The following SAXO2 variants were observed in gnomAD, a reference collection of about 807,000 sequenced individuals.
The protein encoded by SAXO2 is stabilizer of axonemal microtubules 2.
SAXO2 carries 17 observed loss-of-function variants against 18.7 expected under a neutral mutation model. The ratio of observed to expected loss-of-function variants is 0.91; its 90% CI spans 0.62 to 1.36. The LOEUF is 1.36. Ranked by LOEUF, SAXO2 falls within the 40% of genes most tolerant of loss-of-function variation. The pLI, the probability that SAXO2 is intolerant of heterozygous loss-of-function variation, is 0.00. For synonymous variants in SAXO2, 163 were observed against 181.2 expected, an observed-to-expected ratio of 0.90 and a Z score of 0.81; for missense variants, 486 against 562.6, an observed-to-expected ratio of 0.86 and a Z score of 1.38.
At chr15:82,266,150 A>C (rs2075216015) in intron 2 of SAXO2, among the ~76,000 whole-genome samples, 1 of 151,868 alleles carries the variant, frequency 6.6e-6, no homozygotes, top group African/African-American at 2.4e-5. Context: ...AACAACAAAA[A>C]AAAAATCACA....
At chr15:82,264,761 G>T in intron 1 of SAXO2, 1 of 699,384 alleles carries the variant, frequency 1.4e-6, no homozygotes, top group Non-Finnish European at 2.6e-6. Flanking sequence ...TCTCTTCCAA[G>T]GTCAAGAAGC....
intron 2 of SAXO2, among the ~76,000 whole-genome samples, chr15:82,270,741 G>A (rs2075263818): frequency 6.6e-6 from 1 of 152,192 alleles, no homozygotes; most frequent in Admixed American, 6.5e-5. Flanking sequence ...GTACGAAGCA[G>A]TCTTCAAAGC....
chr15:82,262,896 T>A lies in SAXO2; in HGVS notation c.17T>A (p.Met6Lys). The A allele has an allele frequency of 1.9e-6, 3 of 1,602,758 alleles. No individual in the cohort carries two copies. Among genetic ancestry groups the A allele is most frequent in the Non-Finnish European group, 1.7e-6 (2 of 1,174,708 alleles). Reference protein sequence around the residue: MGAKSMRSWCLCQICS... With the variant: MGAKSKRSWCLCQICS... The stretch of plus-strand genomic sequence containing the variant: ...GAGGAAAGCATGGGAGCCAAGAGTA[T>A]GAGGAGCTGGTGTCTGTGTCAGATT... The change falls in exon 1 of 4, where the codon ATG becomes AAG. Residue 6 changes from methionine to lysine, a missense_variant. Met to Lys is a moderately conservative substitution (Grantham distance 95, BLOSUM62 -1). Transcript: ENST00000682753.
intron 1 of SAXO2, chr15:82,263,572 T>C: frequency 4.9e-6 from 3 of 607,472 alleles, no homozygotes; most frequent in South Asian, 3.9e-5. Context: ...ATTTGCTAAG[T>C]AAATATGAAC....
intron 1 of SAXO2, 142 bp from the exon 2 acceptor site, chr15:82,265,426 GC>G: frequency 2.3e-6 from 1 of 430,328 alleles, no homozygotes; most frequent in Non-Finnish European, 3.6e-6. Context: ...ACAGGCGTGA[GC>G]CACTGTGCCC....
chr15:82,262,987 T>C, intron 1 of SAXO2, 55 bp downstream of exon 1: 1 of 1,567,200 alleles, frequency 6.4e-7, no homozygotes, highest in Non-Finnish European at 8.6e-7. Context: ...ACCTAGGGCC[T>C]AGGTGCACGG....
At chr15:82,263,260 G>A in intron 1 of SAXO2, 3 of 1,457,368 alleles carry the variant, frequency 2.1e-6, no homozygotes, top group Non-Finnish European at 2.8e-6. Context: ...GACTGGGAGA[G>A]TGCATTTCCA....
intron 3 of SAXO2, 74 bp downstream of exon 3, chr15:82,271,876 T>G: frequency 1.5e-6 from 2 of 1,319,202 alleles, no homozygotes; most frequent in South Asian, 2.7e-5. Flanking sequence ...TAATATCAAA[T>G]TATAACTTTG....
chr15:82,263,545 C>T, intron 1 of SAXO2: 2 of 651,134 alleles, frequency 3.1e-6, no homozygotes, highest in Non-Finnish European at 5.6e-6. Flanking sequence ...CACTATTGAC[C>T]CAGGGATTAG....
chr15:82,268,890 G>T (rs2075244516), intron 2 of SAXO2, among the ~76,000 whole-genome samples: 1 of 152,158 alleles, frequency 6.6e-6, no homozygotes, highest in South Asian at 2.1e-4. Context: ...CACTTAAATA[G>T]TCTAACCAGA....
In SAXO2 at chr15:82,262,931, G is replaced by A. The variant is rs1236011278; in HGVS notation, c.52G>A (p.Gly18Arg). 6.2e-7 allele frequency: 1 copy of A among 1,604,508 alleles called. No individual in the cohort carries two copies. Among genetic ancestry groups the A allele is most frequent in the South Asian group, 1.1e-5 (1 of 89,394 alleles). Residue 18 changes from glycine to arginine, a missense_variant and splice_region_variant, in exon 1 of 4, where the codon GGG becomes AGG. Physicochemically the swap from Gly to Arg is moderately radical, Grantham distance 125 (BLOSUM62 -2). Coordinates refer to ENST00000682753, the MANE Select transcript of SAXO2 (RefSeq NM_001348699.2). ...SWCLCQICSC[G>R]RHHCPRGTTR... Reference sequence around the variant, plus strand: ...GTGTCTGTGTCAGATTTGTAGCTGCGGGTAAGAAACGGCTGGTGTAGCGGC... The same window carrying A: ...GTGTCTGTGTCAGATTTGTAGCTGCAGGTAAGAAACGGCTGGTGTAGCGGC...
At chr15:82,269,031 G>T (rs1234238497) in intron 2 of SAXO2, among the ~76,000 whole-genome samples, 1 of 152,174 alleles carries the variant, frequency 6.6e-6, no homozygotes, top group Non-Finnish European at 1.5e-5. Flanking sequence ...GTCTTGACAA[G>T]CAGAGGTATG....
rs185666251 is a variant in SAXO2, at chr15:82,280,474, G to C, written c.434-1645G>C. On this transcript the variant is annotated intron_variant, in intron 3 of 3. Coordinates refer to ENST00000682753, the MANE Select transcript of SAXO2 (RefSeq NM_001348699.2). ...TATACTGTAGTTTGCAAAGAAGAGA[G>C]ATTCCCTCATGGTACCTCAAGAAAA... 2.9e-4 allele frequency among the ~76,000 whole-genome samples: 44 copies of C among 151,878 alleles called. No individual in the cohort carries two copies. In the East Asian group the frequency reaches 6.4e-3, roughly 22 times the overall value.
chr15:82,283,161 A>G lies in SAXO2; in HGVS notation c.*99A>G, dbSNP rs2075383418. The G allele has an allele frequency of 1.4e-6, 1 of 710,010 alleles. No individual in the cohort carries two copies. Among genetic ancestry groups the G allele is most frequent in the Non-Finnish European group, 2.0e-6 (1 of 497,182 alleles). The allele number at this position is 710,010 out of a possible 1,614,324, so 44.0% of individuals were successfully genotyped here. ...TAAAAAATTTATGATATAATAAATCATTTTTTATATTTTTAAACAAGAAAA... is the reference window on the plus strand; with the variant it reads ...TAAAAAATTTATGATATAATAAATCGTTTTTTATATTTTTAAACAAGAAAA... On this transcript the variant is annotated 3_prime_UTR_variant, in exon 4 of 4. Transcript: ENST00000682753.
intron 3 of SAXO2, among the ~76,000 whole-genome samples, chr15:82,275,061 A>T (rs543110704): frequency 4.9e-4 from 75 of 151,950 alleles, no homozygotes; most frequent in African/African-American, 1.8e-3. Context: ...AATAAGCACA[A>T]TCAAAAATCA....
chr15:82,264,512 G>A (rs557743821), intron 1 of SAXO2, among the ~76,000 whole-genome samples: 1 of 151,886 alleles, frequency 6.6e-6, no homozygotes, highest in Non-Finnish European at 1.5e-5. Context: ...TATACTATTA[G>A]CTTATATGAT....
chr15:82,274,938 G>A (rs954673576), intron 3 of SAXO2, among the ~76,000 whole-genome samples: 5 of 151,758 alleles, frequency 3.3e-5, no homozygotes, highest in Non-Finnish European at 7.4e-5. Context: ...GAGCAGAACT[G>A]AATGAAATTG....
At chr15:82,265,381 A>T (rs1403486268) in intron 1 of SAXO2, among the ~76,000 whole-genome samples, 188 bp from the exon 2 acceptor site, 1 of 152,108 alleles carries the variant, frequency 6.6e-6, no homozygotes, top group Middle Eastern at 3.2e-3. Context: ...TGACTTTGGG[A>T]TCCGCCTGCC....
At chr15:82,267,591 T>A (rs2075231614) in intron 2 of SAXO2, among the ~76,000 whole-genome samples, 1 of 152,202 alleles carries the variant, frequency 6.6e-6, no homozygotes, top group African/African-American at 2.4e-5. Flanking sequence ...TGCTCTGTAA[T>A]AGCTTTAGAT....
Sources: allele counts gnomAD v4.1 joint callset (sites outside exome capture counted in the v4.1 genomes callset), GRCh38; gene constraint gnomAD v4.1.1; transcripts MANE v1.5; gene names NCBI Gene and HGNC (gene_info 2026-07-23, HGNC 2026-07-21).